The following RAB31 variants were observed in gnomAD, a reference collection of about 807,000 sequenced individuals.
RAB31 encodes the protein RAB31, member RAS oncogene family, also known as ras-related protein Rab-31.
Under a neutral mutation model 25.6 loss-of-function variants are expected in RAB31, and 21 were observed. The observed-to-expected ratio is 0.82, with a 90% confidence interval of 0.58 to 1.18. The LOEUF is 1.18. Ranked by LOEUF, RAB31 falls within the 50% of genes most tolerant of loss-of-function variation. The probability of loss-of-function intolerance (pLI) is 0.00; values close to 1 mark genes in which losing one functional copy is unlikely to be tolerated. For synonymous variants in RAB31, 87 were observed against 84.0 expected, an observed-to-expected ratio of 1.04 and a Z score of -0.20; for missense variants, 196 against 250.1, an observed-to-expected ratio of 0.78 and a Z score of 1.46.
chr18:9,732,244 A>G (rs1419462970), intron 1 of RAB31, among the ~76,000 whole-genome samples: 1 of 152,186 alleles, frequency 6.6e-6, no homozygotes, highest in African/African-American at 2.4e-5. Context: ...ACACGCATGC[A>G]GGCAACAAGG....
chr18:9,773,999 G>A (rs141241157), intron 1 of RAB31, among the ~76,000 whole-genome samples: 4 of 152,094 alleles, frequency 2.6e-5, no homozygotes, highest in Middle Eastern at 3.2e-3. Context: ...TATTCTCAAC[G>A]ATCTTTTAAA....
chr18:9,710,415 A>C (rs376832113), intron 1 of RAB31, among the ~76,000 whole-genome samples: 44 of 152,322 alleles, frequency 2.9e-4, no homozygotes, highest in African/African-American at 1.0e-3. Context: ...TTTTATCTCC[A>C]AGAAAGATAC....
At chr18:9,770,235 A>G (rs868866681) in intron 1 of RAB31, among the ~76,000 whole-genome samples, 6 of 152,000 alleles carry the variant, frequency 3.9e-5, no homozygotes, top group South Asian at 2.1e-4. Flanking sequence ...CCTCTTTTCT[A>G]TTGTTTGGAA....
intron 1 of RAB31, among the ~76,000 whole-genome samples, chr18:9,725,799 T>A (rs1462518196): frequency 6.6e-6 from 1 of 152,238 alleles, no homozygotes; most frequent in Non-Finnish European, 1.5e-5. Flanking sequence ...GGTAACTGTT[T>A]GTCATTTCTG....
At chr18:9,809,339 A>G (rs2068558988) in intron 3 of RAB31, among the ~76,000 whole-genome samples, 1 of 138,960 alleles carries the variant, frequency 7.2e-6, no homozygotes, top group Non-Finnish European at 1.6e-5. Flanking sequence ...ATTCTTGATC[A>G]CGCGAGGTCC....
At chr18:9,811,860 AATC>A (rs2068573353) in intron 3 of RAB31, among the ~76,000 whole-genome samples, 1 of 152,260 alleles carries the variant, frequency 6.6e-6, no homozygotes, top group African/African-American at 2.4e-5. Context: ...TATAAATAAA[AATC>A]ATCATTTTAA....
At chr18:9,847,486 G>A (rs2068767578) in intron 6 of RAB31, among the ~76,000 whole-genome samples, 1 of 152,228 alleles carries the variant, frequency 6.6e-6, no homozygotes. Context: ...GAAGCTTTCT[G>A]AAGTTTATGA....
intron 3 of RAB31, among the ~76,000 whole-genome samples, chr18:9,801,538 C>T (rs1384154531): frequency 4.6e-5 from 7 of 152,114 alleles, no homozygotes; most frequent in African/African-American, 1.7e-4. Flanking sequence ...GCCTCGGCCT[C>T]CCAAAGTGTT....
intron 6 of RAB31, among the ~76,000 whole-genome samples, chr18:9,857,256 G>A (rs1568197886): frequency 1.5e-5 from 2 of 136,006 alleles, no homozygotes; most frequent in East Asian, 2.2e-4. Context: ...TTTGGTGACT[G>A]TCTATACCAT....
chr18:9,751,963 G>A (rs184612628), intron 1 of RAB31, among the ~76,000 whole-genome samples: 6 of 152,300 alleles, frequency 3.9e-5, no homozygotes, highest in Admixed American at 1.3e-4. Flanking sequence ...CAGGAAGACA[G>A]GGATTGTACT....
chr18:9,791,196 A>G (rs2068457816), intron 2 of RAB31, among the ~76,000 whole-genome samples: 1 of 152,174 alleles, frequency 6.6e-6, no homozygotes, highest in South Asian at 2.1e-4. Context: ...TTGGTTTCAT[A>G]TTAGCATAGT....
chr18:9,714,126 T>G (rs2068032080), intron 1 of RAB31, among the ~76,000 whole-genome samples: 1 of 152,212 alleles, frequency 6.6e-6, no homozygotes, highest in Non-Finnish European at 1.5e-5. Context: ...GATATATCCT[T>G]TAGGTCTGCT....
intron 3 of RAB31, among the ~76,000 whole-genome samples, chr18:9,810,396 T>G (rs1218836213): frequency 6.6e-6 from 1 of 152,230 alleles, no homozygotes; most frequent in Non-Finnish European, 1.5e-5. Context: ...TGCTTTTGCT[T>G]TCTATTTGTA....
intron 1 of RAB31, among the ~76,000 whole-genome samples, chr18:9,716,325 A>C (rs2068044348): frequency 6.6e-6 from 1 of 152,286 alleles, no homozygotes; most frequent in South Asian, 2.1e-4. Context: ...TAACGTGATC[A>C]TGTATAATAT....
In RAB31 at chr18:9,794,206, A is replaced by G. The variant is rs560652807; in HGVS notation, c.201+1971A>G. On this transcript the variant is annotated intron_variant, in intron 3 of 6. Transcript: ENST00000578921. ...TACCATTTGGGGCCTTAATTCAATT[A>G]TTGATCTGTTTATTGTCTTTCTAAA... 2.6e-5 allele frequency among the ~76,000 whole-genome samples: 4 copies of G among 152,310 alleles called. No individual in the cohort carries two copies. The East Asian group carries it at 7.7e-4, about 29-fold the overall frequency.
In RAB31 at chr18:9,708,528, C is replaced by A; in HGVS notation, c.39+84C>A. ...TCCCCTATTCCCTGCGCGCTCAGTC[C>A]CCGTGATCCCCTCGCTCTCCGCACC... On this transcript the variant is annotated intron_variant, in intron 1 of 6. Transcript: ENST00000578921. This position sits in a 1 kb window ranked among gnomAD's most constrained non-coding sequence, Gnocchi z 6.4. 1 of 1,214,292 alleles carries A rather than the reference C, an allele frequency of 8.2e-7. No individual in the cohort carries two copies. The highest frequency in any genetic ancestry group is 1.1e-6 in the Non-Finnish European group (1 of 896,158). The allele number at this position is 1,214,292 out of a possible 1,614,324, so 75.2% of individuals were successfully genotyped here. A position where few individuals can be genotyped will look rare whatever the true frequency, so the allele number is the denominator to read the frequency against.
chr18:9,859,256 T>C lies in RAB31; in HGVS notation c.519T>C (p.His173=), dbSNP rs758406811. The change falls in exon 7 of 7, where the codon CAT becomes CAC. Residue 173 remains histidine, a synonymous_variant. Transcript: ENST00000578921. The part of the protein sequence containing the change: ...ISRQIPPLDP[H]ENGNNGTIKV... ...GCCAGATCCCACCCTTGGACCCCCA[T>C]GAAAATGGAAACAATGGAACAATCA... is the stretch of plus-strand genomic sequence containing the variant. 7.4e-6 allele frequency: 12 copies of C among 1,613,664 alleles called. No homozygotes were observed. Among genetic ancestry groups the C allele is most frequent in the African/African-American group, 5.3e-5 (4 of 74,960 alleles).
chr18:9,855,894 A>C (rs1218919773), intron 6 of RAB31: 2 of 152,204 alleles, frequency 1.3e-5, no homozygotes, highest in Non-Finnish European at 2.9e-5. Context: ...AGCCGTGCCC[A>C]GAAGCCCTCA....
intron 1 of RAB31, among the ~76,000 whole-genome samples, chr18:9,734,244 G>T (rs894317264): frequency 6.6e-6 from 1 of 152,108 alleles, no homozygotes; most frequent in African/African-American, 2.4e-5. Context: ...GCCCTGTGAG[G>T]TGTTGCTCTT....
Sources: gnomAD v4.1 joint callset for allele counts (sites outside exome capture counted in the v4.1 genomes callset) on GRCh38, gnomAD v4.1.1 for gene constraint, Gnocchi (gnomAD v3.1) non-coding constraint, MANE v1.5 for transcripts, NCBI Gene and HGNC (gene_info 2026-07-23, HGNC 2026-07-21) for gene names.